Variants in GABRA4 observed in about 807,000 individuals in gnomAD.
GABRA4 encodes gamma-aminobutyric acid type A receptor subunit alpha4.
GABRA4 carries 12 observed loss-of-function variants against 49.7 expected under a neutral mutation model. That is an observed-to-expected ratio of 0.24 (90% CI 0.15 to 0.39). The LOEUF is 0.39. GABRA4 is among the 10% of genes least tolerant of loss of function. The probability of loss-of-function intolerance (pLI) is 1.00; values close to 1 mark genes in which losing one functional copy is unlikely to be tolerated. For missense variants in GABRA4, 506 were observed against 686.0 expected (o/e 0.74, Z 2.93); for synonymous variants, 288 against 240.2 (o/e 1.20, Z -1.84).
chr4:46,951,045 C>T (rs1292366178), intron 8 of GABRA4, among the ~76,000 whole-genome samples: 2 of 151,790 alleles, frequency 1.3e-5, no homozygotes, highest in African/African-American at 4.8e-5. Flanking sequence ...AGACAACCGG[C>T]ATAATAAAAC....
intron 8 of GABRA4, among the ~76,000 whole-genome samples, chr4:46,941,035 T>G (rs1240681967): frequency 6.6e-6 from 1 of 152,100 alleles, no homozygotes; most frequent in East Asian, 1.9e-4. Flanking sequence ...AAAGGCAGAT[T>G]GCAAATTTAG....
chr4:46,978,991 T>C, intron 3 of GABRA4, 40 bp downstream of exon 3: 2 of 1,323,184 alleles, frequency 1.5e-6, no homozygotes, highest in Non-Finnish European at 2.2e-6. Context: ...CATGTTTTCT[T>C]CAAGTCTCAA....
intron 8 of GABRA4, among the ~76,000 whole-genome samples, chr4:46,960,377 A>ATAAT (rs1577771541): frequency 6.6e-6 from 1 of 151,738 alleles, no homozygotes; most frequent in African/African-American, 2.4e-5. Context: ...AAAAATCAAG[A>ATAAT]TAATAAAAGG....
intron 2 of GABRA4, among the ~76,000 whole-genome samples, chr4:46,979,518 G>C (rs1035368780): frequency 3.9e-5 from 6 of 152,058 alleles, no homozygotes; most frequent in African/African-American, 1.4e-4. Flanking sequence ...ACAGCTGTAA[G>C]GAATGTATCC....
In GABRA4 at chr4:46,977,068, G is replaced by A. The variant is rs752577869; in HGVS notation, c.570C>T (p.Phe190=). 12 of 1,600,788 alleles carry A rather than the reference G, an allele frequency of 7.5e-6. No individual in the cohort carries two copies. Among genetic ancestry groups the A allele is most frequent in the East Asian group, 2.3e-5 (1 of 44,376 alleles). ...ATTTTTATTATAACTTACAACTCCC[G>A]AATTTCAAAGGGCATGCATGACCAT... ...PMDGHACPLK[F]GSYAYPKSEM... The change falls in exon 5 of 9, where the codon TTC becomes TTT. Residue 190 remains phenylalanine (F), a synonymous_variant. Coordinates refer to ENST00000264318, the MANE Select transcript of GABRA4 (RefSeq NM_000809.4).
Position 46,920,795 on chromosome 4 carries a change from T to C in GABRA4, c.*7430A>G, listed in dbSNP as rs1247669163. On this transcript the variant is annotated 3_prime_UTR_variant, in exon 9 of 9. Coordinates refer to ENST00000264318, the MANE Select transcript of GABRA4 (RefSeq NM_000809.4). ...GTTTTACTGAAAACTAGATGAAATG[T>C]ATACAGTAGAAAAATTAAAGAAGAC... is the stretch of plus-strand genomic sequence containing the variant. The C allele has an allele frequency of 6.6e-6, 1 of 151,814 alleles. No individual in the cohort carries two copies. Among genetic ancestry groups the C allele is most frequent in the African/African-American group, 2.4e-5 (1 of 41,414 alleles). The allele number at this position is 151,814 out of a possible 1,614,324, so 9.4% of individuals were successfully genotyped here.
chr4:46,967,476 G>A (rs1722807208), intron 7 of GABRA4, among the ~76,000 whole-genome samples: 1 of 151,414 alleles, frequency 6.6e-6, no homozygotes, highest in African/African-American at 2.4e-5. Flanking sequence ...TACTAATGCA[G>A]TTATTGACCC....
At position 46,993,043 on chromosome 4, in the gene GABRA4, C is replaced by T. The variant is rs1723826160; in HGVS notation, c.87-97G>A. ...CAGGTTTGTTTTCTAGGGAAAGAGT[C>T]GCTTGCCCCAAGCTAAAGGAGAGGA... On this transcript the variant is annotated intron_variant, in intron 1 of 8. Transcript: ENST00000264318. 15 of 951,000 alleles carry T rather than the reference C, an allele frequency of 1.6e-5. No individual in the cohort carries two copies. The Admixed American group carries it at 1.8e-4, about 11-fold the overall frequency. The allele number at this position is 951,000 out of a possible 1,614,324, so 58.9% of individuals were successfully genotyped here.
At chr4:46,986,034 A>G (rs1723522849) in intron 2 of GABRA4, among the ~76,000 whole-genome samples, 1 of 152,040 alleles carries the variant, frequency 6.6e-6, no homozygotes, top group African/African-American at 2.4e-5. Context: ...TCTGAAAAAA[A>G]TCTATCAACG....
Position 46,928,407 on chromosome 4 carries a change from C to T in GABRA4, c.1483G>A (p.Ala495Thr), listed in dbSNP as rs1449090030. The T allele has an allele frequency of 5.6e-6, 9 of 1,613,622 alleles. No homozygotes were observed. Among genetic ancestry groups the T allele is most frequent in the Non-Finnish European group, 6.8e-6 (8 of 1,179,686 alleles). The change falls in exon 9 of 9, where the codon GCT (alanine) becomes ACT (threonine). Residue 495 changes from alanine to threonine, a missense_variant. Ala to Thr is a moderately conservative substitution (Grantham distance 58). Coordinates refer to ENST00000264318, the MANE Select transcript of GABRA4 (RefSeq NM_000809.4). ...RIKTTVNTIG[A>T]TGKLSATPPP... ...GGAGTAGCTGACAACTTCCCAGTAG[C>T]CCCTATGGTATTAACTGTGGTCTTT... is the stretch of plus-strand genomic sequence containing the variant.
Position 46,923,422 on chromosome 4 carries a change from T to C in GABRA4, c.*4803A>G, listed in dbSNP as rs186813536. 9.2e-5 allele frequency: 14 copies of C among 152,246 alleles called. No individual in the cohort carries two copies. The East Asian group carries it at 1.9e-3, about 21-fold the overall frequency. The allele number at this position is 152,246 out of a possible 1,614,324, so 9.4% of individuals were successfully genotyped here. ...TTCTACATTTATAAAACTCTGTCTTTTAATCAAGCAATCTACTCTTCTAGA... is the reference window on the plus strand; with the variant it reads ...TTCTACATTTATAAAACTCTGTCTTCTAATCAAGCAATCTACTCTTCTAGA... On this transcript the variant is annotated 3_prime_UTR_variant, in exon 9 of 9. Coordinates refer to ENST00000264318, the MANE Select transcript of GABRA4 (RefSeq NM_000809.4).
At chr4:46,982,939 C>T (rs916429419) in intron 2 of GABRA4, among the ~76,000 whole-genome samples, 4 of 151,828 alleles carry the variant, frequency 2.6e-5, no homozygotes, top group African/African-American at 9.7e-5. Flanking sequence ...TCGGTATTTT[C>T]CAAAGAACAA....
intron 8 of GABRA4, among the ~76,000 whole-genome samples, chr4:46,949,134 A>G (rs1181585357): frequency 6.6e-6 from 1 of 152,100 alleles, no homozygotes; most frequent in African/African-American, 2.4e-5. Flanking sequence ...TCATAGTGCT[A>G]TGATTTCTAA....
In GABRA4 at chr4:46,974,381, A is replaced by G. The variant is rs757886142; in HGVS notation, c.578-6T>C. 1 of 1,607,230 alleles carries G rather than the reference A, an allele frequency of 6.2e-7. No individual in the cohort carries two copies. Among genetic ancestry groups the G allele is most frequent in the South Asian group, 1.1e-5 (1 of 89,782 alleles). ...CTCACTCTTTGGATAGGCATCTAAA[A>G]GAGAGCACAGAATGTGGTTAGAGTC... On this transcript the variant is annotated splice_polypyrimidine_tract_variant and splice_region_variant and intron_variant, in intron 5 of 8. Transcript: ENST00000264318.
chr4:46,978,038 T>C (rs967361691), intron 3 of GABRA4, among the ~76,000 whole-genome samples: 1 of 152,082 alleles, frequency 6.6e-6, no homozygotes, highest in East Asian at 1.9e-4. Context: ...CAAAATAATA[T>C]GTGTAAGAGA....
chr4:46,955,521 A>G (rs1040613429), intron 8 of GABRA4, among the ~76,000 whole-genome samples: 1 of 151,984 alleles, frequency 6.6e-6, no homozygotes, highest in African/African-American at 2.4e-5. Context: ...TTGAAGCTCA[A>G]CTCTGCTACA....
intron 8 of GABRA4, among the ~76,000 whole-genome samples, chr4:46,954,399 T>C (rs113936782): frequency 9.8e-6 from 1 of 102,306 alleles, no homozygotes; most frequent in African/African-American, 3.4e-5. Flanking sequence ...CTACTAAAAA[T>C]ACAAAAAATT....
At chr4:46,932,982 A>G (rs1721491721) in intron 8 of GABRA4, among the ~76,000 whole-genome samples, 2 of 152,152 alleles carry the variant, frequency 1.3e-5, no homozygotes, top group Admixed American at 1.3e-4. Context: ...ATAAAATCTT[A>G]CATTTGAAGA....
At chr4:46,938,146 G>A (rs188273178) in intron 8 of GABRA4, among the ~76,000 whole-genome samples, 29 of 152,210 alleles carry the variant, frequency 1.9e-4, no homozygotes, top group African/African-American at 6.7e-4. Context: ...GCAAAAGAAT[G>A]CTAAATTAGA....
Sources: allele counts gnomAD v4.1 joint callset (sites outside exome capture counted in the v4.1 genomes callset), GRCh38; gene constraint gnomAD v4.1.1; transcripts MANE v1.5; gene names NCBI Gene and HGNC (gene_info 2026-07-23, HGNC 2026-07-21).